EPHA3: variants seen among roughly 807,000 people sequenced by gnomAD.
The protein encoded by EPHA3 is ephrin type-A receptor 3.
In EPHA3, 42 loss-of-function variants were observed where a neutral mutation model predicts 107.1. The ratio of observed to expected loss-of-function variants is 0.39; its 90% CI spans 0.31 to 0.51. The LOEUF (loss-of-function observed/expected upper bound fraction) is 0.51. EPHA3 is among the 20% of genes least tolerant of loss of function. The pLI is 0.78. For missense variants in EPHA3, 1,183 were observed against 1,211.2 expected (o/e 0.98, Z 0.35); for synonymous variants, 461 against 424.8 (o/e 1.09, Z -1.05).
At position 89,162,693 on chromosome 3, in the gene EPHA3, A is replaced by G. The variant is rs75353047; in HGVS notation, c.153+35420A>G. Among the ~76,000 whole-genome samples the G allele has an allele frequency of 8.9e-3, 1,362 of 152,342 alleles. 11 individuals carry two copies. The highest frequency in any genetic ancestry group is 0.026 in the East Asian group (136 of 5,174). Reference sequence around the variant, plus strand: ...AGAAGGTGAAGTGAAGCTGTGATCTAGACCTACCAAGGGTTTTAGCCCAAC... The same window carrying G: ...AGAAGGTGAAGTGAAGCTGTGATCTGGACCTACCAAGGGTTTTAGCCCAAC... On this transcript the variant is annotated intron_variant, in intron 2 of 16. Transcript: ENST00000336596.
At chr3:89,229,595 GAA>G (rs1374684759) in intron 3 of EPHA3, among the ~76,000 whole-genome samples, 3 of 151,008 alleles carry the variant, frequency 2.0e-5, no homozygotes, top group Admixed American at 2.0e-4. Flanking sequence ...ATTATAATAA[GAA>G]AATTTAGGAA....
At chr3:89,356,670 A>C (rs952643970) in intron 5 of EPHA3, among the ~76,000 whole-genome samples, 1 of 151,130 alleles carries the variant, frequency 6.6e-6, no homozygotes, top group Non-Finnish European at 1.5e-5. Context: ...ACACATATAC[A>C]TATGTATATA....
intron 5 of EPHA3, among the ~76,000 whole-genome samples, chr3:89,351,840 A>G (rs1421199797): frequency 1.3e-5 from 2 of 150,604 alleles, no homozygotes; most frequent in African/African-American, 2.4e-5. Context: ...TCCAGTTTCT[A>G]TTTATAATAA....
At chr3:89,252,751 T>A (rs1248655248) in intron 3 of EPHA3, among the ~76,000 whole-genome samples, 1 of 151,860 alleles carries the variant, frequency 6.6e-6, no homozygotes, top group African/African-American at 2.4e-5. Flanking sequence ...ATTATTCAAG[T>A]TTTTCATGCT....
intron 3 of EPHA3, among the ~76,000 whole-genome samples, chr3:89,337,857 G>C (rs1350202510): frequency 6.6e-6 from 1 of 152,128 alleles, no homozygotes; most frequent in Non-Finnish European, 1.5e-5. Context: ...AACAAACAGG[G>C]TATTGTCTTT....
intron 13 of EPHA3, among the ~76,000 whole-genome samples, chr3:89,442,276 C>A (rs1709800603): frequency 6.6e-6 from 1 of 151,992 alleles, no homozygotes; most frequent in South Asian, 2.1e-4. Flanking sequence ...TGAACTTGAC[C>A]CCTGTTTTTC....
intron 5 of EPHA3, among the ~76,000 whole-genome samples, chr3:89,373,753 A>G (rs539836227): frequency 6.6e-6 from 1 of 151,820 alleles, no homozygotes; most frequent in Non-Finnish European, 1.5e-5. Flanking sequence ...TCAGAGATGT[A>G]TTTCACTTCA....
chr3:89,316,421 A>G (rs1180277487), intron 3 of EPHA3, among the ~76,000 whole-genome samples: 2 of 149,326 alleles, frequency 1.3e-5, no homozygotes, highest in African/African-American at 2.5e-5. Context: ...TCACTAACGC[A>G]TTTTGACAAC....
intron 3 of EPHA3, among the ~76,000 whole-genome samples, chr3:89,258,421 ATGT>A (rs1439204375): frequency 1.3e-5 from 2 of 152,182 alleles, no homozygotes; most frequent in African/African-American, 2.4e-5. Context: ...AGGTGTGATA[ATGT>A]TGTGCTTATG....
chr3:89,412,875 G>A (rs954441812), intron 9 of EPHA3, among the ~76,000 whole-genome samples: 4 of 151,406 alleles, frequency 2.6e-5, no homozygotes, highest in African/African-American at 9.7e-5. Context: ...CCCCTTTTTT[G>A]AGTATGCATT....
intron 13 of EPHA3, among the ~76,000 whole-genome samples, chr3:89,448,767 C>G (rs1186618305): frequency 6.6e-6 from 1 of 151,750 alleles, no homozygotes; most frequent in African/African-American, 2.4e-5. Context: ...ACTTATGTGC[C>G]AGGGAGTGGT....
intron 6 of EPHA3, 104 bp from the exon 7 acceptor site, chr3:89,399,214 G>T: frequency 1.9e-6 from 2 of 1,044,332 alleles, no homozygotes; most frequent in Non-Finnish European, 2.7e-6. Flanking sequence ...CCTATGATTT[G>T]TGTTAAAATA....
At chr3:89,452,178 A>G (rs1402044072) in intron 15 of EPHA3, among the ~76,000 whole-genome samples, 1 of 152,122 alleles carries the variant, frequency 6.6e-6, no homozygotes, top group East Asian at 1.9e-4. Flanking sequence ...GGGAATATAG[A>G]TATCTCTTTG....
intron 2 of EPHA3, among the ~76,000 whole-genome samples, chr3:89,164,261 G>A (rs1238371067): frequency 2.0e-5 from 3 of 152,264 alleles, no homozygotes; most frequent in Non-Finnish European, 4.4e-5. Flanking sequence ...AATAGCTAAT[G>A]AGCTTAAAAA....
intron 5 of EPHA3, among the ~76,000 whole-genome samples, chr3:89,368,833 A>C (rs116368847): frequency 6.7e-6 from 1 of 150,360 alleles, no homozygotes; most frequent in Non-Finnish European, 1.5e-5. Context: ...AAAACAAAAA[A>C]CAAAAAACGC....
chr3:89,291,474 G>T (rs542044170), intron 3 of EPHA3, among the ~76,000 whole-genome samples: 2 of 152,020 alleles, frequency 1.3e-5, no homozygotes, highest in African/African-American at 4.8e-5. Flanking sequence ...GATATATAGA[G>T]ATATAGATAA....
At chr3:89,258,650 T>C (rs1705342583) in intron 3 of EPHA3, among the ~76,000 whole-genome samples, 1 of 152,206 alleles carries the variant, frequency 6.6e-6, no homozygotes, top group African/African-American at 2.4e-5. Flanking sequence ...CTTTTAACAT[T>C]CTATAGATTT....
At chr3:89,260,268 A>G (rs192399739) in intron 3 of EPHA3, among the ~76,000 whole-genome samples, 119 of 152,306 alleles carry the variant, frequency 7.8e-4, no homozygotes, top group Non-Finnish European at 2.5e-4. Flanking sequence ...TCTTTTCCAC[A>G]ATGGCTTTTC....
chr3:89,471,343 A>C (rs1306319185), intron 15 of EPHA3, among the ~76,000 whole-genome samples: 8 of 152,152 alleles, frequency 5.3e-5, no homozygotes, highest in African/African-American at 1.9e-4. Context: ...TTTATATAAA[A>C]AAATCCTAGA....
Sources: allele counts gnomAD v4.1 joint callset (sites outside exome capture counted in the v4.1 genomes callset), GRCh38; gene constraint gnomAD v4.1.1; transcripts MANE v1.5; gene names NCBI Gene and HGNC (gene_info 2026-07-23, HGNC 2026-07-21).